The following WLS variants were observed in gnomAD, a reference collection of about 807,000 sequenced individuals.
The protein encoded by WLS is protein wntless homolog.
A neutral mutation model predicts 62.8 loss-of-function variants in WLS; 23 were observed. The observed-to-expected ratio is 0.37, with a 90% CI of 0.26 to 0.52. WLS has a LOEUF of 0.52. WLS is among the 20% of genes least tolerant of loss of function. The probability of loss-of-function intolerance (pLI) is 0.92; values close to 1 mark genes in which losing one functional copy is unlikely to be tolerated. For missense variants in WLS, 615 were observed against 697.3 expected (o/e 0.88, Z 1.33); for synonymous variants, 246 against 244.1 (o/e 1.01, Z -0.07).
chr1:68,101,306 CTATTAT>C (rs372414383), intron 11 of WLS, among the ~76,000 whole-genome samples: 6 of 151,570 alleles, frequency 4.0e-5, no homozygotes, highest in Non-Finnish European at 8.8e-5. Flanking sequence ...ATCATATTTG[CTATTAT>C]TATTATTATT....
At chr1:68,137,645 A>G in intron 11 of WLS, 135 bp downstream of exon 11, 1 of 995,588 alleles carries the variant, frequency 1.0e-6, no homozygotes, top group Non-Finnish European at 1.4e-6. Context: ...GTGCTCATTC[A>G]CCGTCTCCCA....
intron 11 of WLS, among the ~76,000 whole-genome samples, chr1:68,118,507 G>A (rs76560966): frequency 0.033 from 4,970 of 151,960 alleles, 99 homozygotes; most frequent in Middle Eastern, 0.11. Context: ...CCTCCCTCCC[G>A]CCTTCCTTTA....
At chr1:68,099,023 G>A (rs1470965529) in intron 11 of WLS, among the ~76,000 whole-genome samples, 2 of 151,914 alleles carry the variant, frequency 1.3e-5, no homozygotes, top group African/African-American at 4.8e-5. Context: ...AACACCTCCC[G>A]AGCAGCACTG....
At chr1:68,159,283 T>G in intron 2 of WLS, 36 bp from the exon 3 acceptor site, 1 of 1,597,156 alleles carries the variant, frequency 6.3e-7, no homozygotes, top group Non-Finnish European at 8.5e-7. Flanking sequence ...AGAAATGACT[T>G]TTGGAAAGAT....
At chr1:68,186,985 G>A (rs1647986419) in intron 2 of WLS, among the ~76,000 whole-genome samples, 2 of 151,750 alleles carry the variant, frequency 1.3e-5, no homozygotes, top group African/African-American at 4.8e-5. Context: ...GCCGAGGCGG[G>A]CGGATCACAA....
chr1:68,133,493 C>T (rs1646561260), intron 11 of WLS, among the ~76,000 whole-genome samples: 1 of 150,830 alleles, frequency 6.6e-6, no homozygotes, highest in Non-Finnish European at 1.5e-5. Context: ...CTCCTTCGAG[C>T]TTCACTTCAC....
downstream of WLS, among the ~76,000 whole-genome samples, chr1:68,122,180 G>A (rs1291744555): frequency 1.3e-5 from 2 of 152,192 alleles, no homozygotes; most frequent in Non-Finnish European, 2.9e-5. Flanking sequence ...ACAAGGTGAG[G>A]ATGAGACCCA....
intron 11 of WLS, among the ~76,000 whole-genome samples, chr1:68,100,406 C>T (rs1394184100): frequency 6.6e-6 from 1 of 152,052 alleles, no homozygotes; most frequent in Non-Finnish European, 1.5e-5. Context: ...CCCAAACTCT[C>T]ATTTCTTCCT....
At chr1:68,170,571 G>T (rs573921647) in intron 2 of WLS, among the ~76,000 whole-genome samples, 1 of 152,234 alleles carries the variant, frequency 6.6e-6, no homozygotes, top group African/African-American at 2.4e-5. Flanking sequence ...TCCTTTGAGA[G>T]GGTAAATTAC....
In WLS at chr1:68,232,411, A is replaced by G; in HGVS notation, c.-112T>C. 1.4e-6 allele frequency: 2 copies of G among 1,466,142 alleles called. No homozygotes were observed. Among genetic ancestry groups the G allele is most frequent in the Non-Finnish European group, 1.8e-6 (2 of 1,105,974 alleles). 90.8% of individuals were successfully genotyped at this position (1,466,142 alleles called of 1,614,324 possible). ...CCTCGCCTCCTTTCTGGGCGCTGCA[A>G]AACTTCAGAGGTGCTGGAGCGCGGC... On this transcript the variant is annotated 5_prime_UTR_variant, in exon 1 of 12. Transcript: ENST00000262348.
At chr1:68,216,760 GT>G (rs1359176815) in intron 1 of WLS, among the ~76,000 whole-genome samples, 4 of 152,158 alleles carry the variant, frequency 2.6e-5, no homozygotes, top group African/African-American at 9.7e-5. Flanking sequence ...AGGGTTAATG[GT>G]TTTCATATTA....
chr1:68,118,428 C>T (rs918661341), intron 11 of WLS, among the ~76,000 whole-genome samples: 1 of 152,194 alleles, frequency 6.6e-6, no homozygotes, highest in Non-Finnish European at 1.5e-5. Context: ...GCTCTGTATG[C>T]TTACAGGTGT....
intron 2 of WLS, among the ~76,000 whole-genome samples, chr1:68,168,460 G>A (rs978967376): frequency 6.6e-6 from 1 of 152,150 alleles, no homozygotes. Context: ...TACTCCCTAA[G>A]TCTGTTAACC....
chr1:68,188,130 A>T (rs1481151710), intron 2 of WLS, among the ~76,000 whole-genome samples: 1 of 152,248 alleles, frequency 6.6e-6, no homozygotes, highest in Non-Finnish European at 1.5e-5. Flanking sequence ...TATGCTCTAA[A>T]CAACTGCCTG....
At chr1:68,143,102 G>A (rs928593958) in intron 10 of WLS, among the ~76,000 whole-genome samples, 4 of 151,916 alleles carry the variant, frequency 2.6e-5, no homozygotes, top group South Asian at 2.1e-4. Context: ...CTTGAAATTC[G>A]AAGTATTTTA....
chr1:68,106,945 A>G (rs111760086), intron 11 of WLS, among the ~76,000 whole-genome samples: 2 of 152,136 alleles, frequency 1.3e-5, no homozygotes, highest in African/African-American at 2.4e-5. Flanking sequence ...ACTGAAACCA[A>G]CTAAGTCGGT....
In WLS at chr1:68,155,128, T is replaced by C; in HGVS notation, c.637A>G (p.Ile213Val). The part of the protein sequence containing the change: ...VNEKKKINVG[I>V]GEIKDIRLVG... ...AACCGGATATCCTTTATCTCCCCAA[T>C]TCCCACATTGATTTTCTTCTTCTCA... Residue 213 changes from isoleucine (I) to valine (V), a missense_variant, in exon 4 of 12, where the codon ATT becomes GTT. Ile to Val is a conservative substitution (Grantham distance 29). Transcript: ENST00000262348. 6.2e-7 allele frequency: 1 copy of C among 1,613,980 alleles called. No homozygotes were observed. Among genetic ancestry groups the C allele is most frequent in the Non-Finnish European group, 8.5e-7 (1 of 1,179,930 alleles).
intron 1 of WLS, among the ~76,000 whole-genome samples, chr1:68,221,161 C>T (rs1453618596): frequency 6.6e-6 from 1 of 152,162 alleles, no homozygotes; most frequent in Non-Finnish European, 1.5e-5. Context: ...TAGAGCAAAG[C>T]TCTGTCCTGT....
intron 1 of WLS, among the ~76,000 whole-genome samples, chr1:68,222,066 G>T (rs985720603): frequency 2.6e-5 from 4 of 152,052 alleles, no homozygotes; most frequent in African/African-American, 7.2e-5. Context: ...CTAGAACTTC[G>T]GAATTATGCC....
Sources: allele counts gnomAD v4.1 joint callset (sites outside exome capture counted in the v4.1 genomes callset), GRCh38; gene constraint gnomAD v4.1.1; transcripts MANE v1.5; gene names NCBI Gene and HGNC (gene_info 2026-07-23, HGNC 2026-07-21).